ZGRF1: variants seen among roughly 807,000 people sequenced by gnomAD.
ZGRF1 encodes the protein 5'-3' DNA helicase ZGRF1.
ZGRF1 carries 196 observed loss-of-function variants against 203.5 expected under a neutral mutation model. The ratio of observed to expected loss-of-function variants is 0.96; its 90% CI spans 0.86 to 1.08. ZGRF1 has a LOEUF of 1.08. ZGRF1 is among the 50% of genes least tolerant of loss of function. The pLI, the probability that ZGRF1 is intolerant of heterozygous loss-of-function variation, is 0.00. For missense variants in ZGRF1, 2,326 were observed against 2,416.3 expected (o/e 0.96, Z 0.78); for synonymous variants, 809 against 841.3 (o/e 0.96, Z 0.66).
chr4:112,571,862 T>G (rs774163649), intron 16 of ZGRF1, among the ~76,000 whole-genome samples: 1 of 152,210 alleles, frequency 6.6e-6, no homozygotes, highest in Admixed American at 6.5e-5. Flanking sequence ...ACTTGCACTA[T>G]TTGATATTTG....
At chr4:112,560,351 A>T (rs1465604736) in intron 19 of ZGRF1, among the ~76,000 whole-genome samples, 1 of 152,190 alleles carries the variant, frequency 6.6e-6, no homozygotes, top group African/African-American at 2.4e-5. Flanking sequence ...AAAGGACAAG[A>T]ATGAGGTTAT....
At chr4:112,617,357 T>C (rs1322086883) in intron 6 of ZGRF1, 83 bp downstream of exon 6, 13 of 989,450 alleles carry the variant, frequency 1.3e-5, no homozygotes, top group Non-Finnish European at 1.3e-5. Flanking sequence ...TTCTTTAATG[T>C]ATCACCCAGA....
rs776568663 is a variant in ZGRF1, at chr4:112,589,763, T to A, written c.3088A>T (p.Arg1030Ter). 1 of 1,613,888 alleles carries A rather than the reference T, an allele frequency of 6.2e-7. No individual in the cohort carries two copies. Among genetic ancestry groups the A allele is most frequent in the East Asian group, 2.2e-5 (1 of 44,872 alleles). ...AAATGAAGATCATCAGGTAAAGTTC[T>A]TGCTTTCAGGGACGTCTCAGAGAAT... ...VEFSETSLKARTLPDDLHFLN... is the reference protein window; with the variant it reads ...VEFSETSLKA The change falls in exon 11 of 28, where the codon AGA (arginine) becomes TGA (stop). Residue 1030 changes from arginine (R) to a stop codon, truncating the protein, a stop_gained. Coordinates refer to ENST00000505019, the MANE Select transcript of ZGRF1 (RefSeq NM_018392.5). LOFTEE classifies it high-confidence loss of function.
chr4:112,586,680 A>T (rs1367355702), intron 12 of ZGRF1, 97 bp from the exon 13 acceptor site: 3 of 973,302 alleles, frequency 3.1e-6, no homozygotes, highest in African/African-American at 1.7e-5. Context: ...AAAAATATTA[A>T]TTTTTCTTTT....
rs1446139524 is a variant in ZGRF1 at position 112,539,708 on chromosome 4, A to T, written c.6173-19T>A. The T allele has an allele frequency of 6.3e-7, 1 of 1,587,124 alleles. No individual in the cohort carries two copies. On this transcript the variant is annotated intron_variant, in intron 27 of 27. Transcript: ENST00000505019. The stretch of plus-strand genomic sequence containing the variant: ...TCCCTTCCTTAAAAAAACATACGAC[A>T]TGAGACAACTATTCTTTATTTTACA...
intron 16 of ZGRF1, among the ~76,000 whole-genome samples, chr4:112,568,566 G>C (rs1743601323): frequency 6.6e-6 from 1 of 151,652 alleles, no homozygotes; most frequent in South Asian, 2.1e-4. Context: ...AAAAAAACTA[G>C]CCAGGCATAG....
At chr4:112,565,162 A>G in intron 16 of ZGRF1, 3 of 1,484,578 alleles carry the variant, frequency 2.0e-6, no homozygotes, top group East Asian at 4.5e-5. Flanking sequence ...TCAGAAGTCC[A>G]CTGAACTTCT....
chr4:112,574,676 A>C (rs2148958092), intron 16 of ZGRF1, among the ~76,000 whole-genome samples: 1 of 152,202 alleles, frequency 6.6e-6, no homozygotes, highest in East Asian at 1.9e-4. Flanking sequence ...AATGACTAAG[A>C]GTAGGTCACA....
chr4:112,566,542 GAATT>G (rs554824269), intron 16 of ZGRF1, among the ~76,000 whole-genome samples: 250 of 151,858 alleles, frequency 1.6e-3, no homozygotes, highest in African/African-American at 5.9e-3. Context: ...TTTACTTACT[GAATT>G]AATAACATAA....
intron 15 of ZGRF1, among the ~76,000 whole-genome samples, chr4:112,583,703 C>G (rs1417083119): frequency 6.6e-6 from 1 of 151,934 alleles, no homozygotes; most frequent in African/African-American, 2.4e-5. Flanking sequence ...ACTCAGGAGG[C>G]TGAGGTGGGT....
Position 112,618,342 on chromosome 4 carries a change from T to C in ZGRF1, c.1700A>G (p.Asp567Gly). Reference protein sequence around the residue: ...ESWVKDILVNDGNSCFQKRSE... With the variant: ...ESWVKDILVNGGNSCFQKRSE... Reference sequence around the variant, plus strand: ...CCTCTTTTGAAAACATGAATTGCCATCATTAACCAAAATGTCCTTTACCCA... The same window carrying C: ...CCTCTTTTGAAAACATGAATTGCCACCATTAACCAAAATGTCCTTTACCCA... The change falls in exon 6 of 28, where the codon GAT becomes GGT. Residue 567 changes from aspartate to glycine, a missense_variant. Asp to Gly is a moderately conservative substitution (Grantham distance 94). Transcript: ENST00000505019. The C allele has an allele frequency of 1.2e-6, 2 of 1,613,888 alleles. No homozygotes were observed. The highest frequency in any genetic ancestry group is 1.7e-6 in the Non-Finnish European group (2 of 1,179,906).
At chr4:112,630,124 T>G (rs1560890621) in intron 3 of ZGRF1, 1 of 155,652 alleles carries the variant, frequency 6.4e-6, no homozygotes, top group East Asian at 1.9e-4. Flanking sequence ...GTTTACAAAT[T>G]TAATAGGATT....
At chr4:112,577,719 G>A (rs1424014135) in intron 16 of ZGRF1, among the ~76,000 whole-genome samples, 1 of 123,074 alleles carries the variant, frequency 8.1e-6, no homozygotes, top group Non-Finnish European at 1.8e-5. Context: ...AATTCAACAA[G>A]AAGAGCTAAC....
At chr4:112,548,491 A>G in intron 22 of ZGRF1, 111 bp from the exon 23 acceptor site, 1 of 734,394 alleles carries the variant, frequency 1.4e-6, no homozygotes. Flanking sequence ...GTCCTAATTT[A>G]ATTCCTAGCC....
chr4:112,620,951 G>A (rs930174762), intron 4 of ZGRF1, among the ~76,000 whole-genome samples: 14 of 151,930 alleles, frequency 9.2e-5, no homozygotes, highest in Non-Finnish European at 1.6e-4. Context: ...AGGATCCCTT[G>A]AGCCCAGGAG....
intron 4 of ZGRF1, among the ~76,000 whole-genome samples, chr4:112,623,097 A>G (rs1319633713): frequency 6.6e-6 from 1 of 152,214 alleles, no homozygotes; most frequent in African/African-American, 2.4e-5. Flanking sequence ...ATGTGAGAAC[A>G]TGTAATATTT....
chr4:112,628,905 A>G (rs1250883512), intron 3 of ZGRF1: 1 of 400,082 alleles, frequency 2.5e-6, no homozygotes, highest in Non-Finnish European at 4.8e-6. Context: ...AGCATCAGAC[A>G]CTGAATGAAT....
chr4:112,589,650 T>C (rs746086967), intron 11 of ZGRF1, 74 bp downstream of exon 11: 7 of 1,276,728 alleles, frequency 5.5e-6, no homozygotes, highest in Non-Finnish European at 8.0e-6. Flanking sequence ...ATATATTTAG[T>C]GTAATAATCT....
intron 16 of ZGRF1, among the ~76,000 whole-genome samples, chr4:112,576,795 C>T (rs915205713): frequency 9.2e-5 from 14 of 152,028 alleles, no homozygotes; most frequent in East Asian, 1.9e-4. Context: ...ACCAAATCTA[C>T]GTCTGATTGG....
Sources: gnomAD v4.1 joint callset for allele counts (sites outside exome capture counted in the v4.1 genomes callset) on GRCh38, gnomAD v4.1.1 for gene constraint, MANE v1.5 for transcripts, NCBI Gene and HGNC (gene_info 2026-07-23, HGNC 2026-07-21) for gene names.